ENOX1: variants seen among roughly 807,000 people sequenced by gnomAD.
ENOX1 encodes the protein candidate growth-related and time keeping constitutive hydroquinone (NADH) oxidase.
ENOX1 carries 42 observed loss-of-function variants against 82.5 expected under a neutral mutation model. The ratio of observed to expected loss-of-function variants is 0.51; its 90% confidence interval spans 0.40 to 0.66. ENOX1 has a LOEUF of 0.66. Ranked by LOEUF, ENOX1 falls within the 30% of genes least tolerant of loss-of-function variation. ENOX1 has a pLI of 0.00. For synonymous variants in ENOX1, 271 were observed against 282.2 expected, an observed-to-expected ratio of 0.96 and a Z score of 0.40; for missense variants, 608 against 811.6, an observed-to-expected ratio of 0.75 and a Z score of 3.05.
At chr13:43,426,818 A>C (rs905342871) in intron 3 of ENOX1, among the ~76,000 whole-genome samples, 8 of 152,208 alleles carry the variant, frequency 5.3e-5, no homozygotes, top group Non-Finnish European at 1.0e-4. Flanking sequence ...TGTCTACTAC[A>C]CACAGAATTT....
intron 9 of ENOX1, among the ~76,000 whole-genome samples, chr13:43,331,089 T>C (rs543620985): frequency 1.6e-4 from 24 of 152,260 alleles, no homozygotes; most frequent in African/African-American, 5.8e-4. Context: ...CAGACCACAC[T>C]GAAGCAAGCT....
intron 2 of ENOX1, among the ~76,000 whole-genome samples, chr13:43,558,902 C>T (rs1275664778): frequency 6.6e-6 from 1 of 152,180 alleles, no homozygotes; most frequent in African/African-American, 2.4e-5. Context: ...GAATCCTCTA[C>T]TTATATCCCC....
At chr13:43,565,539 A>C (rs528154603) in intron 2 of ENOX1, among the ~76,000 whole-genome samples, 2 of 152,240 alleles carry the variant, frequency 1.3e-5, no homozygotes, top group South Asian at 4.1e-4. Flanking sequence ...GGAAAGGACT[A>C]GGGGAGGGAA....
intron 1 of ENOX1, among the ~76,000 whole-genome samples, chr13:43,712,731 T>C (rs1399693397): frequency 2.0e-5 from 3 of 152,228 alleles, no homozygotes; most frequent in Non-Finnish European, 4.4e-5. Context: ...TACTGGTGTA[T>C]AAGAATGCTT....
chr13:43,704,426 T>C (rs1566798641), intron 1 of ENOX1, among the ~76,000 whole-genome samples: 1 of 151,846 alleles, frequency 6.6e-6, no homozygotes, highest in Non-Finnish European at 1.5e-5. Flanking sequence ...TTGAAGGCAC[T>C]GAAGGGAAAC....
intron 12 of ENOX1, among the ~76,000 whole-genome samples, chr13:43,273,119 A>G (rs1273807447): frequency 6.6e-6 from 1 of 152,120 alleles, no homozygotes; most frequent in African/African-American, 2.4e-5. Context: ...TGTGTTTACA[A>G]CTGTGCCCAT....
intron 9 of ENOX1, among the ~76,000 whole-genome samples, chr13:43,333,507 G>A (rs1241089621): frequency 6.6e-6 from 1 of 152,232 alleles, no homozygotes; most frequent in African/African-American, 2.4e-5. Flanking sequence ...AGCAGCAGGA[G>A]GAGAGACCTG....
intron 9 of ENOX1, among the ~76,000 whole-genome samples, chr13:43,343,201 G>A (rs1194428682): frequency 6.6e-6 from 1 of 152,084 alleles, no homozygotes. Flanking sequence ...TTCTCTACCA[G>A]TTCACTCTTA....
At chr13:43,381,251 A>T (rs559885774) in intron 5 of ENOX1, among the ~76,000 whole-genome samples, 5 of 151,890 alleles carry the variant, frequency 3.3e-5, no homozygotes, top group Non-Finnish European at 7.4e-5. Flanking sequence ...GTGATGAAAA[A>T]TATCTAGAGA....
chr13:43,619,293 G>C (rs1265312994), intron 2 of ENOX1, among the ~76,000 whole-genome samples: 1 of 152,106 alleles, frequency 6.6e-6, no homozygotes, highest in Non-Finnish European at 1.5e-5. Context: ...GTGGTGGTGA[G>C]AGTGGGCATC....
intron 9 of ENOX1, among the ~76,000 whole-genome samples, chr13:43,332,571 T>C (rs536426680): frequency 3.3e-5 from 5 of 152,238 alleles, no homozygotes; most frequent in Admixed American, 2.6e-4. Context: ...TTTAAGCAAA[T>C]TTCAAGCAAG....
chr13:43,352,747 TACA>T (rs2049888324), intron 8 of ENOX1, among the ~76,000 whole-genome samples: 1 of 152,162 alleles, frequency 6.6e-6, no homozygotes, highest in South Asian at 2.1e-4. Context: ...ACTACACAAA[TACA>T]ACACAGTGTT....
intron 12 of ENOX1, among the ~76,000 whole-genome samples, chr13:43,288,329 T>G (rs2045818518): frequency 6.6e-6 from 1 of 152,176 alleles, no homozygotes; most frequent in South Asian, 2.1e-4. Context: ...AAATGTCTTC[T>G]GCATTTCCCA....
At chr13:43,510,045 T>C (rs1234667981) in intron 2 of ENOX1, among the ~76,000 whole-genome samples, 1 of 151,988 alleles carries the variant, frequency 6.6e-6, no homozygotes, top group Non-Finnish European at 1.5e-5. Flanking sequence ...AAAGGGTTTC[T>C]CTGTACATAT....
intron 1 of ENOX1, among the ~76,000 whole-genome samples, chr13:43,712,443 A>G (rs1241934835): frequency 2.0e-5 from 3 of 152,078 alleles, no homozygotes; most frequent in African/African-American, 7.2e-5. Context: ...GTTTTTTCCA[A>G]TTCTGTGAAG....
intron 14 of ENOX1, among the ~76,000 whole-genome samples, chr13:43,263,135 G>A (rs957797091): frequency 2.0e-5 from 3 of 152,164 alleles, no homozygotes; most frequent in African/African-American, 7.2e-5. Context: ...TGGAGGTACT[G>A]GGGAAACTTC....
At chr13:43,494,089 A>T (rs1049845985) in intron 2 of ENOX1, among the ~76,000 whole-genome samples, 1 of 152,134 alleles carries the variant, frequency 6.6e-6, no homozygotes, top group Non-Finnish European at 1.5e-5. Context: ...TTATGATTCA[A>T]TTCCCTCCAT....
chr13:43,392,288 G>A (rs535716735), intron 5 of ENOX1, among the ~76,000 whole-genome samples: 3 of 152,242 alleles, frequency 2.0e-5, no homozygotes, highest in South Asian at 4.1e-4. Context: ...ATCAGAATAT[G>A]AGCTCCATGA....
chr13:43,280,496 G>A (rs1349020197), intron 12 of ENOX1, among the ~76,000 whole-genome samples: 1 of 152,248 alleles, frequency 6.6e-6, no homozygotes, highest in African/African-American at 2.4e-5. Flanking sequence ...TATGGAATAA[G>A]AATGTGTTGG....
Sources: gnomAD v4.1 joint callset for allele counts (sites outside exome capture counted in the v4.1 genomes callset) on GRCh38, gnomAD v4.1.1 for gene constraint, MANE v1.5 for transcripts, NCBI Gene and HGNC (gene_info 2026-07-23, HGNC 2026-07-21) for gene names.